The following TSEN15 variants were observed in gnomAD, a reference collection of about 807,000 sequenced individuals.
TSEN15 encodes tRNA-splicing endonuclease subunit Sen15.
A neutral mutation model predicts 20.5 loss-of-function variants in TSEN15; 10 were observed. The observed-to-expected ratio is 0.49, with a 90% CI of 0.30 to 0.83. TSEN15 has a LOEUF of 0.83. Ranked by LOEUF, TSEN15 falls within the 40% of genes least tolerant of loss-of-function variation. The pLI is 0.06. For synonymous variants in TSEN15, 72 were observed against 80.1 expected (o/e 0.90, Z 0.54); for missense variants, 180 against 218.6 (o/e 0.82, Z 1.11).
downstream of TSEN15, among the ~76,000 whole-genome samples, chr1:184,075,910 ATTT>A (rs200324927): frequency 4.0e-5 from 5 of 123,732 alleles, no homozygotes; most frequent in South Asian, 2.7e-4. Flanking sequence ...ATATATATAT[ATTT>A]TTTTTTTTCT....
At position 184,085,593 on chromosome 1, in the gene TSEN15, A is replaced by T. The variant is rs560061374; in HGVS notation, c.354-10097A>T. Among the ~76,000 whole-genome samples the T allele has an allele frequency of 5.0e-4, 76 of 152,310 alleles. 1 individual carries two copies. The South Asian group carries it at 0.016, about 31-fold the overall frequency. On this transcript the variant is annotated intron_variant, in intron 3 of 3. Transcript: ENST00000643231. Reference sequence around the variant, plus strand: ...CAAGAATGGCTTTTCTCTGCAGGTGACATTTGAGCAGAGACCAGAATGCAG... The same window carrying T: ...CAAGAATGGCTTTTCTCTGCAGGTGTCATTTGAGCAGAGACCAGAATGCAG...
chr1:184,072,112 A>C, intron 3 of TSEN15, 45 bp from the exon 4 acceptor site: 1 of 1,594,922 alleles, frequency 6.3e-7, no homozygotes, highest in Non-Finnish European at 8.5e-7. Context: ...ATCTCATCTA[A>C]TTGAGTGACC....
chr1:184,068,433 C>T (rs1322268830), intron 3 of TSEN15, among the ~76,000 whole-genome samples: 2 of 152,022 alleles, frequency 1.3e-5, no homozygotes, highest in Non-Finnish European at 2.9e-5. Flanking sequence ...GATGTGTGTC[C>T]TCACCTTCCC....
chr1:184,077,979 G>A (rs1339935844), downstream of TSEN15, among the ~76,000 whole-genome samples: 1 of 152,184 alleles, frequency 6.6e-6, no homozygotes, highest in African/African-American at 2.4e-5. Flanking sequence ...CAGCAGCAGA[G>A]TTTGAGAAGA....
rs1424280759 is a variant in TSEN15, at chr1:184,067,939, A to ATATAT, written c.354-4218_354-4217insTATAT. 2.6e-4 allele frequency among the ~76,000 whole-genome samples: 29 copies of ATATAT among 113,374 alleles called. No homozygotes were observed. In the South Asian group the frequency reaches 5.0e-3, roughly 20 times the overall value. The allele number at this position is 113,374 out of a possible 152,430, so 74.4% of individuals were successfully genotyped here. On this transcript the variant is annotated intron_variant, in intron 3 of 4. Coordinates refer to ENST00000645668, the MANE Select transcript of TSEN15 (RefSeq NM_052965.4). The stretch of plus-strand genomic sequence containing the variant: ...CTCTCTCTCTCAAAAAAAAAAAAAA[A>ATATAT]AAATATATATATATATATATATATA...
intron 3 of TSEN15, among the ~76,000 whole-genome samples, chr1:184,059,848 G>C (rs1455506926): frequency 6.6e-6 from 1 of 152,234 alleles, no homozygotes; most frequent in Non-Finnish European, 1.5e-5. Flanking sequence ...TGGCATTACA[G>C]GTGTGAGCCA....
intron 3 of TSEN15, among the ~76,000 whole-genome samples, chr1:184,071,873 C>T (rs1006036720): frequency 3.9e-5 from 6 of 152,082 alleles, no homozygotes; most frequent in Non-Finnish European, 7.4e-5. Flanking sequence ...ATGCTATCTA[C>T]AAAAGATACA....
intron 3 of TSEN15, among the ~76,000 whole-genome samples, chr1:184,068,705 A>T (rs1650780323): frequency 6.6e-6 from 1 of 152,186 alleles, no homozygotes; most frequent in Admixed American, 6.5e-5. Context: ...GAGCCTGTGG[A>T]TGAATAAGGC....
chr1:184,089,668 G>T (rs922643467), intron 3 of TSEN15, among the ~76,000 whole-genome samples: 3 of 151,656 alleles, frequency 2.0e-5, no homozygotes, highest in Non-Finnish European at 2.9e-5. Flanking sequence ...ATTCATGAGG[G>T]TACTAGATAG....
chr1:184,081,674 T>C (rs914755832), intron 3 of TSEN15, among the ~76,000 whole-genome samples: 4 of 152,088 alleles, frequency 2.6e-5, no homozygotes, highest in African/African-American at 7.2e-5. Flanking sequence ...CCTCAAACTA[T>C]TGAGTCCCGT....
chr1:184,072,087 G>A, intron 3 of TSEN15, 70 bp from the exon 4 acceptor site: 1 of 1,478,950 alleles, frequency 6.8e-7, no homozygotes, highest in Non-Finnish European at 9.1e-7. Context: ...GTTTTCTAGT[G>A]CTTTCTTCTG....
At chr1:184,086,829 T>A (rs1445858975) in intron 3 of TSEN15, among the ~76,000 whole-genome samples, 4 of 152,204 alleles carry the variant, frequency 2.6e-5, no homozygotes, top group African/African-American at 7.2e-5. Flanking sequence ...GCACACACAC[T>A]GATGCTTCTG....
intron 3 of TSEN15, among the ~76,000 whole-genome samples, chr1:184,083,293 C>T (rs1572720928): frequency 1.3e-5 from 2 of 152,114 alleles, no homozygotes; most frequent in East Asian, 1.9e-4. Flanking sequence ...CCATCCCATG[C>T]GATTTTCTTT....
chr1:184,092,056 G>A (rs372732514), intron 3 of TSEN15, among the ~76,000 whole-genome samples: 3 of 152,212 alleles, frequency 2.0e-5, no homozygotes, highest in African/African-American at 7.2e-5. Context: ...TGGTAAATCT[G>A]TTGCTGGTGA....
rs1289366662 is a variant in TSEN15 at position 184,072,315 on chromosome 1, C to T, written c.495+17C>T. On this transcript the variant is annotated intron_variant, in intron 4 of 4. Coordinates refer to ENST00000645668, the MANE Select transcript of TSEN15 (RefSeq NM_052965.4). Reference sequence around the variant, plus strand: ...GACCCTCAGGTCAGTTTTGAGGTAACTGACAGCAAGAAGTACAAAAAGAGG... The same window carrying T: ...GACCCTCAGGTCAGTTTTGAGGTAATTGACAGCAAGAAGTACAAAAAGAGG... 2 of 1,579,846 alleles carry T rather than the reference C, an allele frequency of 1.3e-6. No individual in the cohort carries two copies. Among genetic ancestry groups the T allele is most frequent in the Admixed American group, 3.6e-5 (2 of 54,836 alleles).
At chr1:184,070,537 T>C in intron 3 of TSEN15, 1 of 555,792 alleles carries the variant, frequency 1.8e-6, no homozygotes, top group South Asian at 2.1e-5. Context: ...TGTTTCTTCT[T>C]TGCCATCTTT....
intron 4 of TSEN15, chr1:184,072,598 G>A (rs1383370420): frequency 5.2e-6 from 3 of 575,594 alleles, no homozygotes; most frequent in Non-Finnish European, 9.0e-6. Context: ...AGCTGAGGTG[G>A]AATGTAAAGG....
chr1:184,063,238 A>C (rs915358292), intron 3 of TSEN15, among the ~76,000 whole-genome samples: 1 of 152,156 alleles, frequency 6.6e-6, no homozygotes, highest in Non-Finnish European at 1.5e-5. Flanking sequence ...AAATATTTCA[A>C]AAGTTCTTCT....
chr1:184,065,954 T>C (rs1225960456), intron 3 of TSEN15, among the ~76,000 whole-genome samples: 1 of 152,214 alleles, frequency 6.6e-6, no homozygotes, highest in African/African-American at 2.4e-5. Context: ...GCTTATATTT[T>C]CATTATCTTA....
Sources: allele counts gnomAD v4.1 joint callset (sites outside exome capture counted in the v4.1 genomes callset), GRCh38; gene constraint gnomAD v4.1.1; transcripts MANE v1.5; gene names NCBI Gene and HGNC (gene_info 2026-07-23, HGNC 2026-07-21).